TMCO4: variants seen among roughly 807,000 people sequenced by gnomAD.
The protein encoded by TMCO4 is transmembrane and coiled-coil domains 4.
A neutral mutation model predicts 64.7 loss-of-function variants in TMCO4; 58 were observed. That is an observed-to-expected ratio of 0.90 (90% CI 0.73 to 1.12). The LOEUF (loss-of-function observed/expected upper bound fraction) is 1.12. Among genes scored for constraint, TMCO4 ranks in the 50% most tolerant of loss-of-function variants. TMCO4 has a pLI of 0.00. For missense variants in TMCO4, 780 were observed against 825.9 expected (o/e 0.94, Z 0.68); for synonymous variants, 325 against 346.1 (o/e 0.94, Z 0.68).
rs369217519 is a variant in TMCO4 at position 19,683,188 on chromosome 1, A to G, written c.1757T>C (p.Val586Ala). 3.1e-6 allele frequency: 5 copies of G among 1,614,110 alleles called. No individual in the cohort carries two copies. In the African/African-American group the frequency reaches 5.3e-5, roughly 17 times the overall value. ...STDPSQAQVP[V>A]GLDQSEGASL... is the part of the protein sequence containing the mutation. The stretch of plus-strand genomic sequence containing the variant: ...GGCCCCTTCAGACTGGTCCAGCCCT[A>G]CTGGCACCTGGGCTTGGCTGGGGTC... The change falls in exon 16 of 16, where the codon GTA becomes GCA. Residue 586 changes from valine to alanine, a missense_variant. By Grantham distance (64) the Val-to-Ala change is moderately conservative. Coordinates refer to ENST00000294543, the MANE Select transcript of TMCO4 (RefSeq NM_181719.7).
intron 13 of TMCO4, among the ~76,000 whole-genome samples, chr1:19,722,689 AG>A (rs1234130755): frequency 1.3e-5 from 2 of 152,154 alleles, no homozygotes; most frequent in Non-Finnish European, 2.9e-5. Flanking sequence ...AAGACAGGCT[AG>A]GGAGACACAG....
chr1:19,702,371 C>A (rs1267486323), intron 13 of TMCO4, among the ~76,000 whole-genome samples: 1 of 150,794 alleles, frequency 6.6e-6, no homozygotes, highest in East Asian at 2.0e-4. Flanking sequence ...GTGGGTGGAT[C>A]ACTGAAGGCC....
chr1:19,792,422 G>A (rs912223627), intron 2 of TMCO4, among the ~76,000 whole-genome samples: 1 of 152,202 alleles, frequency 6.6e-6, no homozygotes, highest in African/African-American at 2.4e-5. Context: ...AATGCTGACT[G>A]GGTCATTTTT....
At chr1:19,707,614 A>T (rs1384170050) in intron 13 of TMCO4, among the ~76,000 whole-genome samples, 2 of 151,950 alleles carry the variant, frequency 1.3e-5, no homozygotes, top group Non-Finnish European at 1.5e-5. Flanking sequence ...CAAGAGTGAA[A>T]CTCTATCTCA....
rs139562020 is a variant in TMCO4, at chr1:19,795,127, C to T, written c.-101+3010G>A. ...CTGAACTACACACTTAAAATGATTA[C>T]GATGGTAAATTTCATGGTATGTGTA... On this transcript the variant is annotated intron_variant, in intron 2 of 15. Coordinates refer to ENST00000294543, the MANE Select transcript of TMCO4 (RefSeq NM_181719.7). Among the ~76,000 whole-genome samples the T allele has an allele frequency of 1.6e-3, 239 of 151,798 alleles. 1 individual carries two copies. The highest frequency in any genetic ancestry group is 5.5e-3 in the African/African-American group (228 of 41,360).
At chr1:19,755,275 G>A (rs1357879052) in intron 7 of TMCO4, among the ~76,000 whole-genome samples, 1 of 152,168 alleles carries the variant, frequency 6.6e-6, no homozygotes, top group Non-Finnish European at 1.5e-5. Flanking sequence ...ACAGGCACAT[G>A]CCAGCGTGCC....
intron 6 of TMCO4, among the ~76,000 whole-genome samples, chr1:19,767,209 C>T (rs1479288435): frequency 6.6e-6 from 1 of 152,190 alleles, no homozygotes; most frequent in East Asian, 1.9e-4. Flanking sequence ...AATTACTTCA[C>T]TTCTATGGGC....
chr1:19,751,504 G>A (rs2100914381), intron 7 of TMCO4, among the ~76,000 whole-genome samples: 1 of 152,226 alleles, frequency 6.6e-6, no homozygotes. Context: ...GGTTGAGGTG[G>A]GAGGATCGCT....
chr1:19,785,686 A>T (rs559354714), intron 3 of TMCO4, among the ~76,000 whole-genome samples: 20 of 152,330 alleles, frequency 1.3e-4, no homozygotes, highest in African/African-American at 4.6e-4. Flanking sequence ...CAGAGCTAAT[A>T]AGCAGTAGAA....
At position 19,700,863 on chromosome 1, in the gene TMCO4, G is replaced by A. The variant is rs376641566; in HGVS notation, c.1287C>T (p.Asp429=). 4.6e-5 allele frequency: 75 copies of A among 1,614,092 alleles called. No individual in the cohort carries two copies. Among genetic ancestry groups the A allele is most frequent in the South Asian group, 1.3e-4 (12 of 91,090 alleles). The part of the protein sequence containing the change: ...QEKDCQGIIE[D]VILLGAPVEG... ...CCACAGGCGCACCCAGCAGGATGAC[G>A]TCCTCGATGATTCCTTGGCAATCTG... Residue 429 remains aspartate (D), a synonymous_variant, in exon 14 of 16, where the codon GAC becomes GAT. Coordinates refer to ENST00000294543, the MANE Select transcript of TMCO4 (RefSeq NM_181719.7).
At chr1:19,789,651 AG>A (rs1180928391) in intron 2 of TMCO4, among the ~76,000 whole-genome samples, 1 of 152,182 alleles carries the variant, frequency 6.6e-6, no homozygotes, top group Non-Finnish European at 1.5e-5. Context: ...GATCCTTAGA[AG>A]GGGAGTGTGT....
intron 15 of TMCO4, among the ~76,000 whole-genome samples, chr1:19,689,296 T>A (rs996589040): frequency 1.3e-5 from 2 of 152,198 alleles, no homozygotes; most frequent in Admixed American, 1.3e-4. Context: ...GATGTACTCC[T>A]AATGTGATAA....
intron 12 of TMCO4, 61 bp from the exon 13 acceptor site, chr1:19,737,517 G>C: frequency 2.0e-6 from 3 of 1,508,430 alleles, no homozygotes; most frequent in Non-Finnish European, 2.8e-6. Flanking sequence ...CAAAACATCA[G>C]GCCTGAGGAG....
At chr1:19,731,012 T>C (rs1358835420) in intron 13 of TMCO4, among the ~76,000 whole-genome samples, 3 of 152,204 alleles carry the variant, frequency 2.0e-5, no homozygotes, top group African/African-American at 7.2e-5. Context: ...CAGGGCTGCC[T>C]GAAAGCAGGC....
chr1:19,717,727 C>T (rs1343508550), intron 13 of TMCO4, among the ~76,000 whole-genome samples: 1 of 152,154 alleles, frequency 6.6e-6, no homozygotes, highest in African/African-American at 2.4e-5. Context: ...GCCCTCTCCT[C>T]CCTGGCGCCC....
At chr1:19,747,077 T>C in intron 8 of TMCO4, 86 bp downstream of exon 8, 2 of 1,400,196 alleles carry the variant, frequency 1.4e-6, no homozygotes, top group South Asian at 2.3e-5. Context: ...GCTGAGCCCC[T>C]GCACTCTCCA....
At chr1:19,757,260 C>T (rs768490334) in intron 6 of TMCO4, among the ~76,000 whole-genome samples, 20 of 152,064 alleles carry the variant, frequency 1.3e-4, no homozygotes, top group Admixed American at 2.0e-4. Flanking sequence ...TTCTGAAGGC[C>T]GGATATTCTA....
intron 10 of TMCO4, among the ~76,000 whole-genome samples, chr1:19,744,226 C>G (rs1338951521): frequency 1.3e-5 from 2 of 152,166 alleles, no homozygotes; most frequent in Non-Finnish European, 2.9e-5. Context: ...TGTTGAGCCT[C>G]TCGCTGGGCA....
rs772195878 is a variant in TMCO4, at chr1:19,745,515, G to A, written c.877+17C>T. On this transcript the variant is annotated intron_variant, in intron 10 of 15. Coordinates refer to ENST00000294543, the MANE Select transcript of TMCO4 (RefSeq NM_181719.7). ...CACTGCCCACCCCCCTCCACTTCTGGTCCTCCTGGTCCTCACGGTATTTGC... is the reference window on the plus strand; with the variant it reads ...CACTGCCCACCCCCCTCCACTTCTGATCCTCCTGGTCCTCACGGTATTTGC... 7 of 1,613,854 alleles carry A rather than the reference G, an allele frequency of 4.3e-6. No individual in the cohort carries two copies. Among genetic ancestry groups the A allele is most frequent in the Non-Finnish European group, 5.9e-6 (7 of 1,179,982 alleles).
Sources: allele counts gnomAD v4.1 joint callset (sites outside exome capture counted in the v4.1 genomes callset), GRCh38; gene constraint gnomAD v4.1.1; transcripts MANE v1.5; gene names NCBI Gene and HGNC (gene_info 2026-07-23, HGNC 2026-07-21).